Variants in MACROD2 observed in about 807,000 individuals in gnomAD.
MACROD2 encodes mono-ADP ribosylhydrolase 2.
MACROD2 carries 36 observed loss-of-function variants against 70.4 expected under a neutral mutation model. That is an observed-to-expected ratio of 0.51 (90% confidence interval 0.39 to 0.68). MACROD2 has a LOEUF of 0.68. Among genes scored for constraint, MACROD2 ranks in the 30% least tolerant of loss-of-function variants. The pLI is 0.00. For missense variants in MACROD2, 496 were observed against 538.4 expected (o/e 0.92, Z 0.78); for synonymous variants, 172 against 178.8 (o/e 0.96, Z 0.30).
At chr20:14,848,265 C>T (rs200958129) in intron 5 of MACROD2, among the ~76,000 whole-genome samples, 1 of 152,182 alleles carries the variant, frequency 6.6e-6, no homozygotes, top group Admixed American at 6.5e-5. Context: ...TACACATCCA[C>T]TGTCAAATAT....
intron 5 of MACROD2, among the ~76,000 whole-genome samples, chr20:14,977,874 T>C (rs2074756163): frequency 1.3e-5 from 2 of 152,170 alleles, no homozygotes; most frequent in Non-Finnish European, 2.9e-5. Context: ...TATCTATGTA[T>C]TCTGTTGAAT....
rs554224421 is a variant in MACROD2, at chr20:14,285,361, C to T, written c.271+199633C>T. 5.3e-5 allele frequency among the ~76,000 whole-genome samples: 8 copies of T among 152,182 alleles called. No homozygotes were observed. In the East Asian group the frequency reaches 7.7e-4, roughly 15 times the overall value. On this transcript the variant is annotated intron_variant, in intron 3 of 17. Coordinates refer to ENST00000684519, the MANE Select transcript of MACROD2 (RefSeq NM_001351661.2). ...ATATTGAACCATCAGAAAGCAAGGG[C>T]GTCAGGCATCGAATTTTCCACTTGT...
chr20:15,993,304 T>C (rs4814423), intron 15 of MACROD2, among the ~76,000 whole-genome samples: 82,513 of 151,094 alleles, frequency 0.55, 23,176 homozygotes, highest in South Asian at 0.7. Context: ...AGTGACATTT[T>C]AGTCAACAAC....
At chr20:15,064,425 A>G (rs2075557998) in intron 5 of MACROD2, among the ~76,000 whole-genome samples, 1 of 152,082 alleles carries the variant, frequency 6.6e-6, no homozygotes, top group Admixed American at 6.5e-5. Flanking sequence ...TGGGCTACAT[A>G]AGCCCACCAA....
chr20:14,284,967 T>C (rs2082332437), intron 3 of MACROD2, among the ~76,000 whole-genome samples: 1 of 152,176 alleles, frequency 6.6e-6, no homozygotes, highest in East Asian at 1.9e-4. Context: ...TTGTAAAAAC[T>C]CTGAAAAATG....
chr20:15,094,590 TTTTA>T (rs1431493073), intron 5 of MACROD2, among the ~76,000 whole-genome samples: 50 of 152,304 alleles, frequency 3.3e-4, no homozygotes, highest in Admixed American at 2.9e-3. Flanking sequence ...ATTTTGAAGT[TTTTA>T]TTTGTTTGTT....
intron 5 of MACROD2, among the ~76,000 whole-genome samples, chr20:14,724,498 G>T (rs2071505503): frequency 6.6e-6 from 1 of 152,152 alleles, no homozygotes. Flanking sequence ...GAGTAAATGT[G>T]CATGAAAAAG....
intron 5 of MACROD2, among the ~76,000 whole-genome samples, chr20:14,834,119 A>G (rs941087587): frequency 1.3e-5 from 2 of 152,120 alleles, no homozygotes; most frequent in African/African-American, 4.8e-5. Flanking sequence ...TATGAAAACA[A>G]AATTTACTCT....
intron 3 of MACROD2, among the ~76,000 whole-genome samples, chr20:14,285,395 G>A (rs13045935): frequency 0.39 from 58,892 of 151,978 alleles, 12,870 homozygotes; most frequent in Non-Finnish European, 0.49. Context: ...GTGATGTCAT[G>A]TTGGTCACAA....
chr20:15,737,848 GTAAA>G (rs2051045642), intron 8 of MACROD2, among the ~76,000 whole-genome samples: 1 of 131,522 alleles, frequency 7.6e-6, no homozygotes, highest in Non-Finnish European at 1.7e-5. Flanking sequence ...AAAGTAGCCA[GTAAA>G]TAAATCAATG....
At chr20:15,706,455 C>T (rs2050533642) in intron 8 of MACROD2, among the ~76,000 whole-genome samples, 1 of 152,154 alleles carries the variant, frequency 6.6e-6, no homozygotes, top group Non-Finnish European at 1.5e-5. Context: ...AATTCACACT[C>T]TCAAAAATTC....
chr20:15,581,066 G>A (rs2048517225), intron 8 of MACROD2, among the ~76,000 whole-genome samples: 1 of 152,136 alleles, frequency 6.6e-6, no homozygotes, highest in African/African-American at 2.4e-5. Flanking sequence ...TGGCAGGTCT[G>A]GACTTTAGGC....
chr20:15,024,787 T>A (rs953262068), intron 5 of MACROD2, among the ~76,000 whole-genome samples: 1 of 152,192 alleles, frequency 6.6e-6, no homozygotes, highest in Non-Finnish European at 1.5e-5. Flanking sequence ...AACAGACTAT[T>A]GATCTAGTTT....
intron 5 of MACROD2, among the ~76,000 whole-genome samples, chr20:14,728,964 T>C (rs1019124969): frequency 3.3e-5 from 5 of 152,174 alleles, no homozygotes; most frequent in Non-Finnish European, 7.4e-5. Flanking sequence ...ATTTAGGTTA[T>C]ATATTTAACA....
intron 8 of MACROD2, among the ~76,000 whole-genome samples, chr20:15,596,023 T>C (rs1471403494): frequency 6.6e-5 from 10 of 152,212 alleles, no homozygotes. Flanking sequence ...TTCTATTTCC[T>C]TCATGAAAAA....
chr20:15,901,448 G>T (rs1463140955), intron 10 of MACROD2, among the ~76,000 whole-genome samples: 1 of 152,158 alleles, frequency 6.6e-6, no homozygotes, highest in Non-Finnish European at 1.5e-5. Context: ...TGTGCAGTGA[G>T]CCACAGCCCC....
chr20:14,349,162 A>G (rs1053136310), intron 3 of MACROD2, among the ~76,000 whole-genome samples: 3 of 151,830 alleles, frequency 2.0e-5, no homozygotes, highest in Non-Finnish European at 1.5e-5. Context: ...AAGCCTTTCA[A>G]ATATTTACAA....
chr20:15,270,384 C>G (rs533292914), intron 6 of MACROD2, among the ~76,000 whole-genome samples: 5 of 151,952 alleles, frequency 3.3e-5, no homozygotes, highest in Non-Finnish European at 7.4e-5. Context: ...TCTATGAAGC[C>G]GTTGATATAA....
At chr20:15,387,775 G>C (rs1217119443) in intron 6 of MACROD2, among the ~76,000 whole-genome samples, 1 of 143,820 alleles carries the variant, frequency 7.0e-6, no homozygotes, top group Non-Finnish European at 1.5e-5. Flanking sequence ...GTCTCACTCT[G>C]TCATCCAAGC....
Sources: allele counts gnomAD v4.1 joint callset (sites outside exome capture counted in the v4.1 genomes callset), GRCh38; gene constraint gnomAD v4.1.1; transcripts MANE v1.5; gene names NCBI Gene and HGNC (gene_info 2026-07-23, HGNC 2026-07-21).